The following NFATC2IP variants were observed in gnomAD, a reference collection of about 807,000 sequenced individuals.
NFATC2IP encodes NFATC2-interacting protein.
NFATC2IP carries 25 observed loss-of-function variants against 40.2 expected under a neutral mutation model. That is an observed-to-expected ratio of 0.62 (90% confidence interval 0.45 to 0.87). The LOEUF is 0.87. NFATC2IP is among the 40% of genes least tolerant of loss of function. NFATC2IP has a pLI of 0.00. For missense variants in NFATC2IP, 553 were observed against 555.6 expected (o/e 1.00, Z 0.05); for synonymous variants, 241 against 236.3 (o/e 1.02, Z -0.18).
In NFATC2IP at chr16:28,951,103, G is replaced by T; in HGVS notation, c.92G>T (p.Arg31Leu). 1 of 1,544,802 alleles carries T rather than the reference G, an allele frequency of 6.5e-7. No individual in the cohort carries two copies. ...GRGGWGGRGR[R>L]PRAQRSPSRG... is the part of the protein sequence containing the mutation. ...GGCGGCTGGGGCGGTCGGGGCCGGC[G>T]TCCTCGGGCCCAGCGGTCTCCATCC... Residue 31 changes from arginine (R) to leucine (L), a missense_variant, in exon 1 of 8, where the codon CGT becomes CTT. Transcript: ENST00000320805.
intron 1 of NFATC2IP, 121 bp downstream of exon 1, chr16:28,951,519 C>T (rs1050164497): frequency 1.7e-5 from 17 of 1,022,148 alleles, no homozygotes; most frequent in Non-Finnish European, 1.9e-5. Flanking sequence ...TGGGGCTGGT[C>T]CTCGGGCGTT....
chr16:28,955,709 C>T (rs1965012550), intron 3 of NFATC2IP, among the ~76,000 whole-genome samples: 1 of 152,074 alleles, frequency 6.6e-6, no homozygotes, highest in South Asian at 2.1e-4. Context: ...AGCGACCCTC[C>T]CACCTCAGCC....
rs373010732 is a variant in NFATC2IP, at chr16:28,950,983, C to T, written c.-29C>T. 148 of 1,454,786 alleles carry T rather than the reference C, an allele frequency of 1.0e-4. No homozygotes were observed. The African/African-American group carries it at 2.1e-3, about 21-fold the overall frequency. The allele number at this position is 1,454,786 out of a possible 1,614,324, so 90.1% of individuals were successfully genotyped here. A position where few individuals can be genotyped will look rare whatever the true frequency, so the allele number is the denominator to read the frequency against. Reference sequence around the variant, plus strand: ...GGGGGCGGGGCGAGGCGAGAGGAGGCGGGCGTGTGTTGTGGAGGAAAGTGT... The same window carrying T: ...GGGGGCGGGGCGAGGCGAGAGGAGGTGGGCGTGTGTTGTGGAGGAAAGTGT... On this transcript the variant is annotated 5_prime_UTR_variant, in exon 1 of 8. Coordinates refer to ENST00000320805, the MANE Select transcript of NFATC2IP (RefSeq NM_032815.4).
intron 1 of NFATC2IP, 27 bp from the exon 2 acceptor site, chr16:28,952,105 A>AC (rs1964972607): frequency 6.2e-6 from 10 of 1,612,968 alleles, no homozygotes; most frequent in African/African-American, 1.3e-5. Flanking sequence ...CTTGGGCCTG[A>AC]CCCCTCTCCC....
At chr16:28,953,044 A>G (rs1231523977) in intron 2 of NFATC2IP, among the ~76,000 whole-genome samples, 5 of 149,026 alleles carry the variant, frequency 3.4e-5, no homozygotes, top group African/African-American at 9.9e-5. Flanking sequence ...CCTCAGCTCT[A>G]TCTCTTAATA....
chr16:28,957,487 A>T (rs1965034727), intron 5 of NFATC2IP: 1 of 151,882 alleles, frequency 6.6e-6, no homozygotes, highest in Admixed American at 6.6e-5. Context: ...TACTAAAAAT[A>T]AAAAAATTAA....
At position 28,965,458 on chromosome 16, in the gene NFATC2IP, G is replaced by C. The variant is rs1965135162; in HGVS notation, c.*1595G>C. 1 of 152,108 alleles carries C rather than the reference G, an allele frequency of 6.6e-6. No individual in the cohort carries two copies. The highest frequency in any genetic ancestry group is 2.4e-5 in the African/African-American group (1 of 41,414). The allele number at this position is 152,108 out of a possible 1,614,324, so 9.4% of individuals were successfully genotyped here. On this transcript the variant is annotated 3_prime_UTR_variant, in exon 8 of 8. Coordinates refer to ENST00000320805, the MANE Select transcript of NFATC2IP (RefSeq NM_032815.4). ...AAAATTAAAAAGGGGGCTTTGGGAG[G>C]CCAAGGCGGGCAGATCATGAGGGCA...
Position 28,959,053 on chromosome 16 carries a change from G to A in NFATC2IP, c.1054G>A (p.Val352Met), listed in dbSNP as rs1449427789. 1.9e-6 allele frequency: 3 copies of A among 1,614,052 alleles called. No homozygotes were observed. The highest frequency in any genetic ancestry group is 1.6e-4 in the Middle Eastern group (1 of 6,062). The change falls in exon 7 of 8, where the codon GTG (valine) becomes ATG (methionine). Residue 352 changes from valine to methionine, a missense_variant. Val to Met is a conservative substitution (Grantham distance 21). Transcript: ENST00000320805. ...TETSQQLQLR[V>M]QGKEKHQTLE... ...GACGTCCCAACAGCTCCAGCTCCGG[G>A]TGCAGGGAAAGGAGAAACACCAGAC...
chr16:28,961,899 CAAAAAAAAAAAAA>C (rs1161300546), intron 7 of NFATC2IP, among the ~76,000 whole-genome samples: 55 of 49,124 alleles, frequency 1.1e-3, no homozygotes, highest in Non-Finnish European at 2.1e-3. Context: ...GACTTCGTCT[CAAAAAAAAAAAAA>C]AAAAAAAAAA....
rs534395608 is a variant in NFATC2IP, at chr16:28,952,159, G to A, written c.415G>A (p.Asp139Asn). 6.8e-6 allele frequency: 11 copies of A among 1,614,008 alleles called. No individual in the cohort carries two copies. In the South Asian group the frequency reaches 1.2e-4, roughly 18 times the overall value. The stretch of plus-strand genomic sequence containing the variant: ...TAAAAGCAGCCTTCGCCTTATCCCA[G>A]ATGATCTATCCCTCCTGAAACTCTA... ...KVKSSLRLIP[D>N]DLSLLKLYPP... Residue 139 changes from aspartate to asparagine, a missense_variant, in exon 2 of 8, where the codon GAT becomes AAT. By Grantham distance (23) the Asp-to-Asn change is conservative (BLOSUM62 1). Transcript: ENST00000320805.
Position 28,956,149 on chromosome 16 carries a change from A to G in NFATC2IP, c.660-2A>G. 2 of 1,614,006 alleles carry G rather than the reference A, an allele frequency of 1.2e-6. No homozygotes were observed. The highest frequency in any genetic ancestry group is 1.7e-6 in the Non-Finnish European group (2 of 1,179,956). ...TGACCCAGAGTCCTGTCTGCACTGC[A>G]GTGAGGTGAACAAGCGCCTCCAGGA... On this transcript the variant is annotated splice_acceptor_variant, in intron 4 of 7. Coordinates refer to ENST00000320805, the MANE Select transcript of NFATC2IP (RefSeq NM_032815.4). LOFTEE classifies it high-confidence loss of function.
At chr16:28,951,700 C>T (rs1964969231) in intron 1 of NFATC2IP, among the ~76,000 whole-genome samples, 1 of 151,966 alleles carries the variant, frequency 6.6e-6, no homozygotes, top group Non-Finnish European at 1.5e-5. Context: ...CTGGGAGGAC[C>T]TGGGGCCGTT....
At chr16:28,958,893 G>A in intron 6 of NFATC2IP, 32 bp downstream of exon 6, 1 of 1,612,724 alleles carries the variant, frequency 6.2e-7, no homozygotes. Context: ...GGGGCCTTGA[G>A]GCATTTGCCA....
chr16:28,953,633 C>T (rs189737647), intron 2 of NFATC2IP, among the ~76,000 whole-genome samples: 305 of 152,160 alleles, frequency 2.0e-3, no homozygotes, highest in Non-Finnish European at 3.2e-3. Context: ...AATGCAGGAT[C>T]GGCTGGGCAC....
Position 28,954,700 on chromosome 16 carries a change from C to A in NFATC2IP, c.578+18C>A. 2 of 1,540,968 alleles carry A rather than the reference C, an allele frequency of 1.3e-6. No individual in the cohort carries two copies. The highest frequency in any genetic ancestry group is 1.1e-5 in the South Asian group (1 of 89,510). ...GAGTTTCTGTGAGTGAGGCCAGGGC[C>A]CTTGGGCCCTGGGAGCAGGAAGTGA... On this transcript the variant is annotated intron_variant, in intron 3 of 7. Coordinates refer to ENST00000320805, the MANE Select transcript of NFATC2IP (RefSeq NM_032815.4).
rs1025619849 is a variant in NFATC2IP, at chr16:28,966,042, G to T, written c.*2179G>T. The T allele has an allele frequency of 2.6e-5, 4 of 151,960 alleles. No individual in the cohort carries two copies. Among genetic ancestry groups the T allele is most frequent in the African/African-American group, 4.8e-5 (2 of 41,346 alleles). The allele number at this position is 151,960 out of a possible 1,614,324, so 9.4% of individuals were successfully genotyped here. A position where few individuals can be genotyped will look rare whatever the true frequency, so the allele number is the denominator to read the frequency against. Reference sequence around the variant, plus strand: ...TGCACATCAGCCTGAGTGACAGAGAGACTTTGTCTCAAAAAAAAAAGAAAA... The same window carrying T: ...TGCACATCAGCCTGAGTGACAGAGATACTTTGTCTCAAAAAAAAAAGAAAA... On this transcript the variant is annotated 3_prime_UTR_variant, in exon 8 of 8. Transcript: ENST00000320805.
Position 28,965,277 on chromosome 16 carries a change from G to A in NFATC2IP, c.*1414G>A, listed in dbSNP as rs1256613965. ...CTCAGGAGTTGCTTGTACATTCTTG[G>A]GCAATTGCAGATAATTCCAAGAATG... On this transcript the variant is annotated 3_prime_UTR_variant, in exon 8 of 8. Coordinates refer to ENST00000320805, the MANE Select transcript of NFATC2IP (RefSeq NM_032815.4). The A allele has an allele frequency of 2.0e-5, 3 of 151,824 alleles. No homozygotes were observed. The highest frequency in any genetic ancestry group is 2.9e-5 in the Non-Finnish European group (2 of 67,990). The allele number at this position is 151,824 out of a possible 1,614,324, so 9.4% of individuals were successfully genotyped here.
chr16:28,955,970 T>C lies in NFATC2IP; in HGVS notation c.579-8T>C. 1 of 1,611,066 alleles carries C rather than the reference T, an allele frequency of 6.2e-7. No individual in the cohort carries two copies. On this transcript the variant is annotated splice_region_variant and splice_polypyrimidine_tract_variant and intron_variant, in intron 3 of 7. Transcript: ENST00000320805. ...TTGCCTCCGTCCTGCTGTCTCTTGC[T>C]TCTACAGGGATCTGGACAACTCTCC... is the stretch of plus-strand genomic sequence containing the variant.
intron 5 of NFATC2IP, chr16:28,957,871 C>G (rs1378051945): frequency 1.3e-5 from 2 of 152,006 alleles, no homozygotes; most frequent in African/African-American, 4.8e-5. Flanking sequence ...GTGCCTCACG[C>G]CTGTAATCCC....
Sources: gnomAD v4.1 joint callset for allele counts (sites outside exome capture counted in the v4.1 genomes callset) on GRCh38, gnomAD v4.1.1 for gene constraint, MANE v1.5 for transcripts, NCBI Gene and HGNC (gene_info 2026-07-23, HGNC 2026-07-21) for gene names.